AGPAT4: variants seen among roughly 807,000 people sequenced by gnomAD.
AGPAT4 encodes 1-acylglycerol-3-phosphate O-acyltransferase 4.
Under a neutral mutation model 48.0 loss-of-function variants are expected in AGPAT4, and 15 were observed. That is an observed-to-expected ratio of 0.31 (90% CI 0.21 to 0.48). AGPAT4 has a LOEUF of 0.48. Ranked by LOEUF, AGPAT4 falls within the 20% of genes least tolerant of loss-of-function variation. AGPAT4 has a pLI of 0.99. For synonymous variants in AGPAT4, 178 were observed against 198.7 expected, an observed-to-expected ratio of 0.90 and a Z score of 0.88; for missense variants, 314 against 482.5, an observed-to-expected ratio of 0.65 and a Z score of 3.27.
chr6:161,237,416 A>G (rs990279020), intron 1 of AGPAT4, among the ~76,000 whole-genome samples: 2 of 152,194 alleles, frequency 1.3e-5, no homozygotes, highest in African/African-American at 2.4e-5. Context: ...GAATACCAGA[A>G]GAAGTCTCCT....
At chr6:161,172,105 T>C (rs895285347) in intron 2 of AGPAT4, among the ~76,000 whole-genome samples, 2 of 152,018 alleles carry the variant, frequency 1.3e-5, no homozygotes, top group African/African-American at 2.4e-5. Flanking sequence ...ATAGTATATC[T>C]GGGAATGAAA....
chr6:161,207,198 G>A (rs1386702973), intron 2 of AGPAT4, among the ~76,000 whole-genome samples: 2 of 152,220 alleles, frequency 1.3e-5, no homozygotes, highest in Non-Finnish European at 2.9e-5. Context: ...TCCTCTGGAA[G>A]TAAAATTGCT....
At position 161,138,775 on chromosome 6, in the gene AGPAT4, A is replaced by T. The variant is rs2314190; in HGVS notation, c.1042+647T>A. On this transcript the variant is annotated intron_variant, in intron 8 of 8. Transcript: ENST00000320285. This position sits in a 1 kb window ranked among gnomAD's most constrained non-coding sequence, Gnocchi z 4.8. ...ACAGGGCCTTTCACAGGGAAACCCC[A>T]AAGTCTTCCTTGGCTCCAGGAAGCA... Among the ~76,000 whole-genome samples, 1 of 151,972 alleles carries T rather than the reference A, an allele frequency of 6.6e-6. No homozygotes were observed. The highest frequency in any genetic ancestry group is 1.5e-5 in the Non-Finnish European group (1 of 68,018).
intron 2 of AGPAT4, among the ~76,000 whole-genome samples, chr6:161,187,524 T>C (rs1780803721): frequency 6.6e-6 from 1 of 150,596 alleles, no homozygotes; most frequent in Admixed American, 6.6e-5. Context: ...TTTATTTATT[T>C]ATTTATTTAT....
intron 1 of AGPAT4, among the ~76,000 whole-genome samples, chr6:161,265,870 C>G (rs1582922118): frequency 6.6e-6 from 1 of 152,290 alleles, no homozygotes; most frequent in African/African-American, 2.4e-5. Context: ...TACTTTACGG[C>G]CACGTGTCTA....
intron 2 of AGPAT4, among the ~76,000 whole-genome samples, chr6:161,186,697 A>G (rs6903892): frequency 0.78 from 117,762 of 151,876 alleles, 47,170 homozygotes; most frequent in East Asian, 0.91. Context: ...GCAAGCCCCA[A>G]CTCCAGGCCA....
rs186728048 is a variant in AGPAT4, at chr6:161,178,362, G to T, written c.179-11945C>A. Among the ~76,000 whole-genome samples the T allele has an allele frequency of 6.6e-6, 1 of 152,176 alleles. No individual in the cohort carries two copies. The highest frequency in any genetic ancestry group is 1.5e-5 in the Non-Finnish European group (1 of 68,032). ...ATGCCCCTCCCCGAACCTCGCTGCCGCCTTGCAGTTCGATCAGACTTCTGT... is the reference window on the plus strand; with the variant it reads ...ATGCCCCTCCCCGAACCTCGCTGCCTCCTTGCAGTTCGATCAGACTTCTGT... On this transcript the variant is annotated intron_variant, in intron 2 of 8. Coordinates refer to ENST00000320285, the MANE Select transcript of AGPAT4 (RefSeq NM_020133.3). This position sits in a 1 kb window ranked among gnomAD's most constrained non-coding sequence, Gnocchi z 5.1.
chr6:161,162,898 G>A (rs61552758), intron 3 of AGPAT4, among the ~76,000 whole-genome samples: 9,736 of 152,310 alleles, frequency 0.064, 385 homozygotes, highest in Middle Eastern at 0.15. Context: ...CCTGACCTGC[G>A]CTTGCACACC....
Position 161,146,663 on chromosome 6 carries a change from G to GT in AGPAT4, c.768-65dup. ...GCCCCCCTACAACATACAGTTTCCA[G>GT]TAACGGTGCTGCCGTTTTTTGTTTT... On this transcript the variant is annotated intron_variant, in intron 6 of 8. Transcript: ENST00000320285. The surrounding 1 kb of genome is among the most constrained non-coding windows in gnomAD (Gnocchi z 7.1). 1 of 1,507,080 alleles carries GT rather than the reference G, an allele frequency of 6.6e-7. No individual in the cohort carries two copies. The highest frequency in any genetic ancestry group is 9.2e-7 in the Non-Finnish European group (1 of 1,085,892). 93.4% of individuals were successfully genotyped at this position (1,507,080 alleles called of 1,614,324 possible).
In AGPAT4 at chr6:161,139,519, G is replaced by A; in HGVS notation, c.945C>T (p.Ala315=). The change falls in exon 8 of 9, where the codon GCC becomes GCT. Residue 315 remains alanine, a synonymous_variant. Coordinates refer to ENST00000320285, the MANE Select transcript of AGPAT4 (RefSeq NM_020133.3). This position sits in a 1 kb window ranked among gnomAD's most constrained non-coding sequence, Gnocchi z 9.1. The stretch of plus-strand genomic sequence containing the variant: ...GGAAGAAAGGGTAGAGCACCAGCGA[G>A]GCCCAAAACAGCCAGTTCACGAGGG... ...PWTLVNWLFW[A]SLVLYPFFQF... is the part of the protein sequence containing the mutation. The A allele has an allele frequency of 6.2e-7, 1 of 1,614,112 alleles. No homozygotes were observed. Among genetic ancestry groups the A allele is most frequent in the Non-Finnish European group, 8.5e-7 (1 of 1,180,028 alleles).
rs11967919 is a variant in AGPAT4 at position 161,220,749 on chromosome 6, G to A, written c.178+11287C>T. 5.2e-3 allele frequency among the ~76,000 whole-genome samples: 781 copies of A among 150,346 alleles called. 5 individuals carry two copies. Among genetic ancestry groups the A allele is most frequent in the African/African-American group, 0.018 (738 of 41,342 alleles). On this transcript the variant is annotated intron_variant, in intron 2 of 8. Coordinates refer to ENST00000320285, the MANE Select transcript of AGPAT4 (RefSeq NM_020133.3). The surrounding 1 kb of genome is among the most constrained non-coding windows in gnomAD (Gnocchi z 6.0). ...CAGACTGCCCCATTGGTTGTGCAAAGCCATTCTGAAGACTCGGACAGCGTA... is the reference window on the plus strand; with the variant it reads ...CAGACTGCCCCATTGGTTGTGCAAAACCATTCTGAAGACTCGGACAGCGTA...
In AGPAT4 at chr6:161,158,823, C is replaced by T. The variant is rs577832687; in HGVS notation, c.349-4513G>A. 2.6e-5 allele frequency among the ~76,000 whole-genome samples: 4 copies of T among 152,320 alleles called. No individual in the cohort carries two copies. Among genetic ancestry groups the T allele is most frequent in the Non-Finnish European group, 5.9e-5 (4 of 68,028 alleles). ...AGATTCCAAACCCCGGTGCTGCGAG[C>T]AGCATGGCTGGGAGCAGCAGGGTAT... is the stretch of plus-strand genomic sequence containing the variant. On this transcript the variant is annotated intron_variant, in intron 3 of 8. Coordinates refer to ENST00000320285, the MANE Select transcript of AGPAT4 (RefSeq NM_020133.3). This position sits in a 1 kb window ranked among gnomAD's most constrained non-coding sequence, Gnocchi z 5.3.
chr6:161,173,264 T>G (rs2114986043), intron 2 of AGPAT4, among the ~76,000 whole-genome samples: 1 of 152,240 alleles, frequency 6.6e-6, no homozygotes, highest in East Asian at 1.9e-4. Flanking sequence ...CCATCAACAG[T>G]GTAAAAGTGT....
Position 161,164,168 on chromosome 6 carries a change from G to A in AGPAT4, c.348+2080C>T, listed in dbSNP as rs989036683. On this transcript the variant is annotated intron_variant, in intron 3 of 8. Coordinates refer to ENST00000320285, the MANE Select transcript of AGPAT4 (RefSeq NM_020133.3). The surrounding 1 kb of genome is among the most constrained non-coding windows in gnomAD (Gnocchi z 7.4). ...AGCCTTTGGGAGCAAAACCCTAAAC[G>A]GTGCTGAGATTAAATTCCCGCTCCG... Among the ~76,000 whole-genome samples, 6 of 152,178 alleles carry A rather than the reference G, an allele frequency of 3.9e-5. No individual in the cohort carries two copies. The highest frequency in any genetic ancestry group is 1.4e-4 in the African/African-American group (6 of 41,430).
chr6:161,188,274 G>A (rs1027237261), intron 2 of AGPAT4, among the ~76,000 whole-genome samples: 1 of 152,144 alleles, frequency 6.6e-6, no homozygotes, highest in African/African-American at 2.4e-5. Context: ...GGACGCCTTA[G>A]GATATTTAAT....
rs1782156681 is a variant in AGPAT4 at position 161,232,756 on chromosome 6, A to C, written c.-89-454T>G. 6.6e-6 allele frequency among the ~76,000 whole-genome samples: 1 copy of C among 151,824 alleles called. No individual in the cohort carries two copies. The highest frequency in any genetic ancestry group is 2.1e-4 in the South Asian group (1 of 4,816). On this transcript the variant is annotated intron_variant, in intron 1 of 8. Coordinates refer to ENST00000320285, the MANE Select transcript of AGPAT4 (RefSeq NM_020133.3). This position sits in a 1 kb window ranked among gnomAD's most constrained non-coding sequence, Gnocchi z 6.8. ...AGCCCCACGCCATCTCCCTCCTCTC[A>C]TTCTCCTCCTCCAGATCCCTGCTCA...
At chr6:161,173,017 C>A (rs1474706885) in intron 2 of AGPAT4, among the ~76,000 whole-genome samples, 2 of 152,164 alleles carry the variant, frequency 1.3e-5, no homozygotes, top group South Asian at 2.1e-4. Flanking sequence ...TGTATATGTG[C>A]CAAATTTTCT....
rs1224328738 is a variant in AGPAT4, at chr6:161,266,055, A to T, written c.-90+7883T>A. 1.3e-5 allele frequency among the ~76,000 whole-genome samples: 2 copies of T among 152,110 alleles called. No individual in the cohort carries two copies. The highest frequency in any genetic ancestry group is 2.9e-5 in the Non-Finnish European group (2 of 68,018). The stretch of plus-strand genomic sequence containing the variant: ...CAGAGCCGGGAATTCCCCCTCAAGC[A>T]GTGGTTCTCAGCTGTGGGCAAGTTT... On this transcript the variant is annotated intron_variant, in intron 1 of 8. Transcript: ENST00000320285. The surrounding 1 kb of genome is among the most constrained non-coding windows in gnomAD (Gnocchi z 6.2).
At chr6:161,252,403 C>G (rs1021036654) in intron 1 of AGPAT4, among the ~76,000 whole-genome samples, 1 of 151,986 alleles carries the variant, frequency 6.6e-6, no homozygotes, top group Non-Finnish European at 1.5e-5. Flanking sequence ...GTTATGAGCT[C>G]CTTCAGGGTC....
Sources: gnomAD v4.1 joint callset for allele counts (sites outside exome capture counted in the v4.1 genomes callset) on GRCh38, gnomAD v4.1.1 for gene constraint, Gnocchi (gnomAD v3.1) non-coding constraint, MANE v1.5 for transcripts, NCBI Gene and HGNC (gene_info 2026-07-23, HGNC 2026-07-21) for gene names.